Variants in HMSD observed in about 807,000 individuals in gnomAD.
HMSD encodes the protein histocompatibility minor serpin domain containing.
A neutral mutation model predicts 10.0 loss-of-function variants in HMSD; 13 were observed. The ratio of observed to expected loss-of-function variants is 1.31; its 90% confidence interval spans 0.85 to 2.08. The LOEUF is 2.08. Among genes scored for constraint, HMSD ranks in the 30% most tolerant of loss-of-function variants. The pLI is 0.00. For synonymous variants in HMSD, 51 were observed against 54.2 expected (o/e 0.94, Z 0.26); for missense variants, 169 against 166.3 (o/e 1.02, Z -0.09).
rs565059850 is a variant in HMSD, at chr18:63,951,885, A to ATTGT, written c.-102-1466_-102-1463dup. Among the ~76,000 whole-genome samples, 57 of 152,084 alleles carry ATTGT rather than the reference A, an allele frequency of 3.7e-4. No individual in the cohort carries two copies. The East Asian group carries it at 9.7e-3, about 26-fold the overall frequency. On this transcript the variant is annotated intron_variant, in intron 1 of 3. Coordinates refer to ENST00000408945, the MANE Select transcript of HMSD (RefSeq NM_001123366.2). ...AAGAGAAAGGGTGCACTGAGGTTTG[A>ATTGT]TTGTTTCTGGGGAGTTGGGAGTAGT...
chr18:63,963,326 G>A (rs905709988), downstream of HMSD, among the ~76,000 whole-genome samples: 1 of 151,284 alleles, frequency 6.6e-6, no homozygotes, highest in Non-Finnish European at 1.5e-5. Context: ...GAGTGCAGTG[G>A]TGCAATCTCA....
intron 3 of HMSD, 88 bp downstream of exon 3, chr18:63,954,645 G>GTTGACTAGAT: frequency 8.7e-7 from 1 of 1,155,114 alleles, no homozygotes; most frequent in Non-Finnish European, 1.2e-6. Context: ...TCCTGCAGGT[G>GTTGACTAGAT]GTCCTGAACT....
intron 2 of HMSD, 54 bp downstream of exon 2, chr18:63,953,581 C>A: frequency 1.4e-6 from 2 of 1,384,074 alleles, no homozygotes; most frequent in Non-Finnish European, 2.1e-6. Flanking sequence ...ATCAGTTGAG[C>A]TGGACTTCTG....
intron 1 of HMSD, among the ~76,000 whole-genome samples, chr18:63,952,424 A>G (rs2050336089): frequency 6.6e-6 from 1 of 152,208 alleles, no homozygotes; most frequent in African/African-American, 2.4e-5. Flanking sequence ...AAGGATATAA[A>G]TAAAATTAGA....
chr18:63,956,190 A>C (rs1266796972), intron 3 of HMSD, among the ~76,000 whole-genome samples: 1 of 152,216 alleles, frequency 6.6e-6, no homozygotes, highest in African/African-American at 2.4e-5. Context: ...AGATGCCAAA[A>C]GCAATTGCAA....
intron 2 of HMSD, among the ~76,000 whole-genome samples, chr18:63,953,935 T>TA (rs1231483361): frequency 6.6e-6 from 1 of 152,232 alleles, no homozygotes; most frequent in African/African-American, 2.4e-5. Context: ...CCAGACTTTT[T>TA]AAGGGCTAAG....
downstream of HMSD, among the ~76,000 whole-genome samples, chr18:63,966,058 C>T (rs1002023694): frequency 4.6e-5 from 7 of 152,196 alleles, no homozygotes; most frequent in Admixed American, 2.0e-4. Context: ...TCACTGACTA[C>T]CAGGAGAACA....
At chr18:63,955,940 C>A (rs182325397) in intron 3 of HMSD, among the ~76,000 whole-genome samples, 1 of 152,324 alleles carries the variant, frequency 6.6e-6, no homozygotes, top group East Asian at 1.9e-4. Context: ...ATCCTCCTGT[C>A]CCCACCGCAT....
At chr18:63,963,107 T>TTTCTTTC (rs1415052567), downstream of HMSD, among the ~76,000 whole-genome samples, 33 of 134,270 alleles carry the variant, frequency 2.5e-4, no homozygotes, top group African/African-American at 9.3e-4. Context: ...CTTTCTTTCT[T>TTTCTTTC]TCTTTCTTTC....
chr18:63,950,365 A>G (rs1222758944), intron 1 of HMSD, among the ~76,000 whole-genome samples: 1 of 144,656 alleles, frequency 6.9e-6, no homozygotes, highest in Non-Finnish European at 1.5e-5. Context: ...GCAGTGAGCC[A>G]AGATTGCACC....
chr18:63,964,886 T>A (rs904661065), downstream of HMSD, among the ~76,000 whole-genome samples: 12 of 152,240 alleles, frequency 7.9e-5, no homozygotes, highest in African/African-American at 2.9e-4. Context: ...CTATGACCTA[T>A]GTCTTTTCCT....
downstream of HMSD, among the ~76,000 whole-genome samples, chr18:63,964,139 A>G (rs1354576186): frequency 6.6e-6 from 1 of 152,218 alleles, no homozygotes; most frequent in Non-Finnish European, 1.5e-5. Context: ...TGCAGACTGC[A>G]TGTTCCTGTG....
chr18:63,950,976 A>G (rs930714506), intron 1 of HMSD, among the ~76,000 whole-genome samples: 2 of 152,216 alleles, frequency 1.3e-5, no homozygotes, highest in Non-Finnish European at 2.9e-5. Flanking sequence ...ATATAAAAAG[A>G]TAGAGTGAAG....
intron 3 of HMSD, among the ~76,000 whole-genome samples, chr18:63,955,026 A>G (rs1446146894): frequency 1.3e-5 from 2 of 152,244 alleles, no homozygotes; most frequent in Non-Finnish European, 2.9e-5. Context: ...TTTGAAAAGA[A>G]AAGTACCGAA....
At chr18:63,963,386 C>T (rs1276040827), downstream of HMSD, among the ~76,000 whole-genome samples, 1 of 151,800 alleles carries the variant, frequency 6.6e-6, no homozygotes, top group African/African-American at 2.4e-5. Flanking sequence ...CCTGCCCCAG[C>T]CTCCCGACCA....
chr18:63,965,232 G>A (rs937619648), downstream of HMSD, among the ~76,000 whole-genome samples: 4 of 152,154 alleles, frequency 2.6e-5, no homozygotes, highest in Non-Finnish European at 5.9e-5. Flanking sequence ...TGAGATTAAT[G>A]CTGAACCAGA....
downstream of HMSD, among the ~76,000 whole-genome samples, chr18:63,964,510 A>G (rs781682408): frequency 2.6e-5 from 4 of 152,232 alleles, no homozygotes; most frequent in Admixed American, 6.5e-5. Context: ...ACTGCACTTC[A>G]GCTTGGGCAA....
At chr18:63,954,775 A>AATG (rs1373624409) in intron 3 of HMSD, among the ~76,000 whole-genome samples, 5 of 152,242 alleles carry the variant, frequency 3.3e-5, no homozygotes, top group African/African-American at 1.2e-4. Flanking sequence ...AATCTTCATA[A>AATG]AAGAACTGAC....
At position 63,953,521 on chromosome 18, in the gene HMSD, G is replaced by A. The variant is rs1267529250; in HGVS notation, c.66G>A (p.Met22Ile). Residue 22 changes from methionine to isoleucine, a missense_variant, in exon 2 of 4, where the codon ATG becomes ATA. Transcript: ENST00000408945. ...CAAAGGGAAACACTGCAGCTCAGAT[G>A]TCTCAGGTACGTAAAGCCACTTCAA... The part of the protein sequence containing the change: ...MGAKGNTAAQ[M>I]SQALCFSKIG... 2 of 1,613,554 alleles carry A rather than the reference G, an allele frequency of 1.2e-6. No homozygotes were observed. Among genetic ancestry groups the A allele is most frequent in the Non-Finnish European group, 1.7e-6 (2 of 1,179,528 alleles).
Sources: gnomAD v4.1 joint callset for allele counts (sites outside exome capture counted in the v4.1 genomes callset) on GRCh38, gnomAD v4.1.1 for gene constraint, MANE v1.5 for transcripts, NCBI Gene and HGNC (gene_info 2026-07-23, HGNC 2026-07-21) for gene names.